The following MEGF10 variants were observed in gnomAD, a reference collection of about 807,000 sequenced individuals.
MEGF10 encodes the protein multiple EGF like domains 10, also known as multiple epidermal growth factor-like domains protein 10.
In MEGF10, 86 loss-of-function variants were observed where a neutral mutation model predicts 147.5. That is an observed-to-expected ratio of 0.58 (90% CI 0.49 to 0.70). The LOEUF is 0.70. Ranked by LOEUF, MEGF10 falls within the 30% of genes least tolerant of loss-of-function variation. The probability of loss-of-function intolerance (pLI) is 0.00; values close to 1 mark genes in which losing one functional copy is unlikely to be tolerated. For missense variants in MEGF10, 1,329 were observed against 1,487.3 expected (o/e 0.89, Z 1.75); for synonymous variants, 478 against 525.5 (o/e 0.91, Z 1.24).
chr5:127,351,937 A>C (rs566213145), intron 4 of MEGF10, among the ~76,000 whole-genome samples: 53 of 152,320 alleles, frequency 3.5e-4, no homozygotes, highest in Middle Eastern at 3.4e-3. Context: ...AACAGACGGA[A>C]TAGGTGGGAG....
the MEGF10 span, among the ~76,000 whole-genome samples, chr5:127,247,339 A>C: frequency 3.6e-4 from 2 of 5,492 alleles, no homozygotes; most frequent in African/African-American, 6.1e-4. Flanking sequence ...GAAGAAGAAG[A>C]AGAAGAAGAA....
At position 127,435,407 on chromosome 5, in the gene MEGF10, C is replaced by T. The variant is rs749631882; in HGVS notation, c.2022C>T (p.Thr674=). The change falls in exon 16 of 25, where the codon ACC becomes ACT. Residue 674 remains threonine (T), a synonymous_variant. Transcript: ENST00000503335. ...RFGKNCAGIC[T]CTNNGTCNPI... ...GGAAAAACTGTGCAGGAATTTGTAC[C>T]TGCACCAACAACGGAACCTGTAACC... 1.3e-4 allele frequency: 203 copies of T among 1,614,018 alleles called. No homozygotes were observed. The highest frequency in any genetic ancestry group is 1.6e-4 in the Non-Finnish European group (192 of 1,180,026).
chr5:127,326,360 A>G (rs764780957), intron 1 of MEGF10, among the ~76,000 whole-genome samples: 2 of 152,212 alleles, frequency 1.3e-5, no homozygotes, highest in African/African-American at 2.4e-5. Flanking sequence ...AACAAAGTAA[A>G]TATAGCACTT....
intron 5 of MEGF10, 148 bp from the exon 6 acceptor site, chr5:127,396,384 G>T: frequency 2.3e-6 from 2 of 851,698 alleles, no homozygotes; most frequent in Non-Finnish European, 3.5e-6. Context: ...GCACCAGTTT[G>T]TGAAGCATTG....
intron 1 of MEGF10, among the ~76,000 whole-genome samples, chr5:127,310,346 T>C (rs990824229): frequency 6.6e-6 from 1 of 152,128 alleles, no homozygotes; most frequent in Admixed American, 6.6e-5. Flanking sequence ...AAATATTTTC[T>C]CTCATTCTGT....
chr5:127,310,018 T>TCCTTCC (rs58548600), intron 1 of MEGF10, among the ~76,000 whole-genome samples: 310 of 27,334 alleles, frequency 0.011, 33 homozygotes, highest in Middle Eastern at 0.043. Context: ...TCCTTTCTTT[T>TCCTTCC]TTTCTTTCTT....
the MEGF10 span, among the ~76,000 whole-genome samples, chr5:127,280,834 G>A: frequency 6.6e-6 from 1 of 152,232 alleles, no homozygotes; most frequent in Admixed American, 6.5e-5. Flanking sequence ...TATGAGACTT[G>A]CTGAGAGGAA....
chr5:127,312,822 T>C (rs1462459744), intron 1 of MEGF10, among the ~76,000 whole-genome samples: 2 of 152,202 alleles, frequency 1.3e-5, no homozygotes, highest in Non-Finnish European at 2.9e-5. Context: ...AGAAATTAAC[T>C]ATAGCTTTCA....
At chr5:127,240,377 G>A in the MEGF10 span, among the ~76,000 whole-genome samples, 1 of 152,258 alleles carries the variant, frequency 6.6e-6, no homozygotes, top group South Asian at 2.1e-4. Flanking sequence ...CCTTCCTCTA[G>A]GTTGAAAGCT....
In MEGF10 at chr5:127,455,722, C is replaced by A. The variant is rs117394990; in HGVS notation, c.3232+115C>A. 76 of 757,652 alleles carry A rather than the reference C, an allele frequency of 1.0e-4. No individual in the cohort carries two copies. The African/African-American group carries it at 1.6e-3, about 16-fold the overall frequency. The allele number at this position is 757,652 out of a possible 1,614,324, so 46.9% of individuals were successfully genotyped here. A position where few individuals can be genotyped will look rare whatever the true frequency, so the allele number is the denominator to read the frequency against. The stretch of plus-strand genomic sequence containing the variant: ...AGAAATCTTATTGAAAATAATGGTC[C>A]GTATTTTATTTTATTTTATTTTATT... On this transcript the variant is annotated intron_variant, in intron 24 of 24. Coordinates refer to ENST00000503335, the MANE Select transcript of MEGF10 (RefSeq NM_001256545.2).
At chr5:127,386,822 G>T (rs984375040) in intron 5 of MEGF10, among the ~76,000 whole-genome samples, 10 of 152,192 alleles carry the variant, frequency 6.6e-5, no homozygotes, top group African/African-American at 2.4e-4. Flanking sequence ...TCTTTTTGCT[G>T]GGCTGGGACA....
intron 1 of MEGF10, among the ~76,000 whole-genome samples, chr5:127,324,972 G>A (rs888802818): frequency 1.3e-5 from 2 of 152,204 alleles, no homozygotes; most frequent in African/African-American, 2.4e-5. Context: ...CACAGGCATT[G>A]TCGCCATCAG....
the MEGF10 span, among the ~76,000 whole-genome samples, chr5:127,279,756 T>C: frequency 6.6e-6 from 1 of 152,164 alleles, no homozygotes; most frequent in Non-Finnish European, 1.5e-5. Flanking sequence ...CACCCCACTA[T>C]AGAAAGAGAC....
the MEGF10 span, among the ~76,000 whole-genome samples, chr5:127,285,003 T>C: frequency 1.3e-5 from 2 of 152,200 alleles, no homozygotes; most frequent in Non-Finnish European, 2.9e-5. Flanking sequence ...AAAAAATATC[T>C]CATAAAATCC....
At chr5:127,422,455 G>A (rs553675902) in intron 12 of MEGF10, among the ~76,000 whole-genome samples, 28 of 152,138 alleles carry the variant, frequency 1.8e-4, no homozygotes, top group Non-Finnish European at 2.8e-4. Flanking sequence ...CCGAGGTTGC[G>A]CTGAGCTGAA....
the MEGF10 span, among the ~76,000 whole-genome samples, chr5:127,240,923 T>C: frequency 6.6e-6 from 1 of 152,224 alleles, no homozygotes; most frequent in African/African-American, 2.4e-5. Flanking sequence ...TTTCCAGACC[T>C]AGACATTGGG....
intron 4 of MEGF10, among the ~76,000 whole-genome samples, chr5:127,351,540 C>T (rs1486470789): frequency 6.6e-6 from 1 of 152,120 alleles, no homozygotes; most frequent in Admixed American, 6.5e-5. Flanking sequence ...GTGAGTGATT[C>T]ATACAATAAA....
At chr5:127,280,660 G>A in the MEGF10 span, among the ~76,000 whole-genome samples, 2 of 151,820 alleles carry the variant, frequency 1.3e-5, no homozygotes, top group Non-Finnish European at 2.9e-5. Flanking sequence ...GCTCCCAGCA[G>A]AGAGGGCACG....
chr5:127,447,408 ACCTCGTCATCTGC>A, intron 20 of MEGF10, 136 bp from the exon 21 acceptor site: 1 of 919,190 alleles, frequency 1.1e-6, no homozygotes, highest in South Asian at 1.5e-5. Context: ...CGATCTCCTG[ACCTCGTCATCTGC>A]CCGCCTTGGC....
Sources: allele counts gnomAD v4.1 joint callset (sites outside exome capture counted in the v4.1 genomes callset), GRCh38; gene constraint gnomAD v4.1.1; transcripts MANE v1.5; gene names NCBI Gene and HGNC (gene_info 2026-07-23, HGNC 2026-07-21).